Variants in KIAA1328 observed in about 807,000 individuals in gnomAD.
KIAA1328 encodes the protein protein hinderin.
KIAA1328 carries 52 observed loss-of-function variants against 68.1 expected under a neutral mutation model. That is an observed-to-expected ratio of 0.76 (90% CI 0.61 to 0.96). KIAA1328 has a LOEUF of 0.96. Ranked by LOEUF, KIAA1328 falls within the 40% of genes least tolerant of loss-of-function variation. The pLI, the probability that KIAA1328 is intolerant of heterozygous loss-of-function variation, is 0.00. For missense variants in KIAA1328, 641 were observed against 677.6 expected (o/e 0.95, Z 0.60); for synonymous variants, 232 against 239.4 (o/e 0.97, Z 0.28).
chr18:36,946,855 A>G (rs1381657013), intron 5 of KIAA1328, among the ~76,000 whole-genome samples: 2 of 152,218 alleles, frequency 1.3e-5, no homozygotes, highest in Non-Finnish European at 2.9e-5. Context: ...TTCTTAAAAG[A>G]GAACTCTGAT....
intron 5 of KIAA1328, among the ~76,000 whole-genome samples, chr18:36,953,409 GATAGATAGATAGAGAT>G (rs1256843765): frequency 2.7e-5 from 4 of 146,420 alleles, no homozygotes; most frequent in Non-Finnish European, 6.0e-5. Flanking sequence ...TAGATAGATA[GATAGATAGATAGAGAT>G]AGATAGATAT....
intron 6 of KIAA1328, among the ~76,000 whole-genome samples, chr18:36,979,458 A>G (rs2052599998): frequency 6.6e-6 from 1 of 152,196 alleles, no homozygotes; most frequent in Non-Finnish European, 1.5e-5. Context: ...AAGCATTTGG[A>G]TGAAGATAAT....
At chr18:37,193,020 C>T (rs923733642) in intron 9 of KIAA1328, among the ~76,000 whole-genome samples, 5 of 152,208 alleles carry the variant, frequency 3.3e-5, no homozygotes, top group African/African-American at 9.6e-5. Flanking sequence ...ATATCAAAAT[C>T]TCTGAGATCA....
In KIAA1328 at chr18:36,963,320, A is replaced by T. The variant is rs992593774; in HGVS notation, c.576+3885A>T. On this transcript the variant is annotated intron_variant, in intron 6 of 9. Transcript: ENST00000280020. ...GACCTTTGGTTTTGCGTTTCTATTT[A>T]CTGCTCCTGCATGACATAGATGTGT... Among the ~76,000 whole-genome samples, 5 of 152,308 alleles carry T rather than the reference A, an allele frequency of 3.3e-5. No homozygotes were observed. In the East Asian group the frequency reaches 9.6e-4, roughly 29 times the overall value.
At chr18:37,192,249 G>C (rs983519737) in intron 9 of KIAA1328, among the ~76,000 whole-genome samples, 2 of 151,696 alleles carry the variant, frequency 1.3e-5, no homozygotes, top group Non-Finnish European at 2.9e-5. Flanking sequence ...TCTGTGATAG[G>C]TTTGTATTAA....
chr18:37,034,351 A>G (rs1159613647), intron 6 of KIAA1328, among the ~76,000 whole-genome samples: 7 of 152,198 alleles, frequency 4.6e-5, no homozygotes, highest in Non-Finnish European at 2.9e-5. Flanking sequence ...ACTTGTAATT[A>G]AAGAGAGCCC....
intron 5 of KIAA1328, among the ~76,000 whole-genome samples, chr18:36,904,931 C>T (rs1031726612): frequency 9.2e-5 from 14 of 152,054 alleles, no homozygotes; most frequent in Middle Eastern, 3.4e-3. Flanking sequence ...ATCAATTAAC[C>T]TTCCAGTGAT....
intron 5 of KIAA1328, among the ~76,000 whole-genome samples, chr18:36,908,104 C>T (rs560809573): frequency 2.6e-5 from 4 of 152,114 alleles, no homozygotes; most frequent in South Asian, 2.1e-4. Flanking sequence ...TGAATTGGCT[C>T]GTTAAATTAT....
intron 6 of KIAA1328, among the ~76,000 whole-genome samples, chr18:37,030,364 A>T (rs1273212016): frequency 6.6e-6 from 1 of 152,092 alleles, no homozygotes; most frequent in African/African-American, 2.4e-5. Flanking sequence ...TTTAATTTTG[A>T]TTAATTTCAA....
At chr18:36,832,282 A>G (rs1414262864) in intron 1 of KIAA1328, among the ~76,000 whole-genome samples, 1 of 152,178 alleles carries the variant, frequency 6.6e-6, no homozygotes, top group Admixed American at 6.5e-5. Flanking sequence ...TCATGGATGT[A>G]GCTGAAAGTA....
rs77761088 is a variant in KIAA1328 at position 37,184,361 on chromosome 18, G to C, written c.1523+11280G>C. ...TAGCAGATTCCCGAGTGTGAGCAGT[G>C]TCAACATGTTGTTTGCACTGGGAGT... On this transcript the variant is annotated intron_variant, in intron 9 of 9. Coordinates refer to ENST00000280020, the MANE Select transcript of KIAA1328 (RefSeq NM_020776.3). Among the ~76,000 whole-genome samples the C allele has an allele frequency of 1.0e-3, 155 of 152,314 alleles. 2 individuals carry two copies. The highest frequency in any genetic ancestry group is 3.7e-3 in the African/African-American group (153 of 41,578).
chr18:37,197,585 C>T lies in KIAA1328; in HGVS notation c.1524-24432C>T, dbSNP rs2060027889. Among the ~76,000 whole-genome samples the T allele has an allele frequency of 3.3e-5, 5 of 152,180 alleles. No individual in the cohort carries two copies. In the South Asian group the frequency reaches 1.0e-3, roughly 32 times the overall value. ...GAGAGGGCTGAAAATGAGATTAATT[C>T]AAAGTCTATAAATTGAAAGGTTAGC... On this transcript the variant is annotated intron_variant, in intron 9 of 9. Coordinates refer to ENST00000280020, the MANE Select transcript of KIAA1328 (RefSeq NM_020776.3).
intron 7 of KIAA1328, among the ~76,000 whole-genome samples, chr18:37,098,634 G>C (rs1228259407): frequency 2.0e-5 from 3 of 152,204 alleles, no homozygotes; most frequent in Non-Finnish European, 2.9e-5. Context: ...GACTGGAATA[G>C]TTTCAGAAGG....
chr18:36,836,061 A>G lies in KIAA1328; in HGVS notation c.237+685A>G, dbSNP rs568333146. Among the ~76,000 whole-genome samples, 5 of 152,308 alleles carry G rather than the reference A, an allele frequency of 3.3e-5. No homozygotes were observed. In the South Asian group the frequency reaches 1.0e-3, roughly 32 times the overall value. ...TTTGTGTTACAATAGCAGGGTTGCT[A>G]CAGAGACTGCATGCCCACAAGCTAA... On this transcript the variant is annotated intron_variant, in intron 3 of 9. Coordinates refer to ENST00000280020, the MANE Select transcript of KIAA1328 (RefSeq NM_020776.3).
chr18:37,008,912 C>G (rs1203928457), intron 6 of KIAA1328, among the ~76,000 whole-genome samples: 1 of 152,056 alleles, frequency 6.6e-6, no homozygotes, highest in African/African-American at 2.4e-5. Flanking sequence ...CCTTAAGGAC[C>G]TTTGGTATAA....
intron 6 of KIAA1328, among the ~76,000 whole-genome samples, chr18:37,022,673 T>C (rs1234455098): frequency 1.3e-5 from 2 of 152,232 alleles, no homozygotes; most frequent in African/African-American, 4.8e-5. Context: ...CATGGCTGTT[T>C]AAGGAATCTA....
chr18:37,013,255 G>A (rs1313913672), intron 6 of KIAA1328, among the ~76,000 whole-genome samples: 2 of 152,110 alleles, frequency 1.3e-5, no homozygotes, highest in Non-Finnish European at 2.9e-5. Flanking sequence ...ATAATATTTA[G>A]TGCCACAATT....
chr18:36,885,236 T>C (rs1029794325), intron 4 of KIAA1328, among the ~76,000 whole-genome samples: 1 of 152,172 alleles, frequency 6.6e-6, no homozygotes, highest in Non-Finnish European at 1.5e-5. Flanking sequence ...ATGAAACCCA[T>C]GTTTTAAAAA....
At chr18:36,926,391 T>C (rs145178647) in intron 5 of KIAA1328, among the ~76,000 whole-genome samples, 6 of 27,124 alleles carry the variant, frequency 2.2e-4, no homozygotes, top group Non-Finnish European at 1.1e-3. Context: ...CTCTATTTAT[T>C]TATTTATTTA....
Sources: gnomAD v4.1 joint callset for allele counts (sites outside exome capture counted in the v4.1 genomes callset) on GRCh38, gnomAD v4.1.1 for gene constraint, MANE v1.5 for transcripts, NCBI Gene and HGNC (gene_info 2026-07-23, HGNC 2026-07-21) for gene names.